ADCY10: variants seen among roughly 807,000 people sequenced by gnomAD.
ADCY10 encodes adenylate cyclase 10.
ADCY10 carries 156 observed loss-of-function variants against 183.3 expected under a neutral mutation model. The observed-to-expected ratio is 0.85, with a 90% CI of 0.75 to 0.97. ADCY10 has a LOEUF of 0.97. ADCY10 is among the 50% of genes least tolerant of loss of function. ADCY10 has a pLI of 0.00. For missense variants in ADCY10, 1,745 were observed against 1,934.3 expected (o/e 0.90, Z 1.84); for synonymous variants, 645 against 670.0 (o/e 0.96, Z 0.58).
intron 3 of ADCY10, 91 bp from the exon 4 acceptor site, chr1:167,902,145 C>A: frequency 1.6e-6 from 2 of 1,243,612 alleles, no homozygotes; most frequent in East Asian, 2.3e-5. Context: ...GAAACTAGGT[C>A]AAAAGAACAG....
chr1:167,889,807 C>T (rs1166086674), intron 8 of ADCY10, among the ~76,000 whole-genome samples: 1 of 152,132 alleles, frequency 6.6e-6, no homozygotes, highest in East Asian at 1.9e-4. Flanking sequence ...TCTAGATTTT[C>T]CAATTTATTG....
At chr1:167,874,033 C>A (rs1667279087) in intron 13 of ADCY10, among the ~76,000 whole-genome samples, 1 of 152,104 alleles carries the variant, frequency 6.6e-6, no homozygotes, top group Admixed American at 6.5e-5. Flanking sequence ...TGTACAGGTA[C>A]TTTAAAAAAA....
intron 7 of ADCY10, 94 bp downstream of exon 7, chr1:167,896,501 A>T: frequency 1.0e-6 from 1 of 1,001,164 alleles, no homozygotes; most frequent in Non-Finnish European, 1.6e-6. Flanking sequence ...TGTGTTGAGG[A>T]GCCCACCCAC....
At chr1:167,831,044 C>G (rs1663688166) in intron 25 of ADCY10, among the ~76,000 whole-genome samples, 1 of 152,160 alleles carries the variant, frequency 6.6e-6, no homozygotes, top group Non-Finnish European at 1.5e-5. Flanking sequence ...TAAGCTGTGC[C>G]CCGACCACCT....
intron 1 of ADCY10, among the ~76,000 whole-genome samples, chr1:167,906,711 C>T (rs1302641961): frequency 1.3e-5 from 2 of 151,864 alleles, no homozygotes; most frequent in Admixed American, 1.3e-4. Flanking sequence ...ATGGCTTGAG[C>T]CCAGGAGGTC....
chr1:167,843,106 G>T (rs1325307020), intron 21 of ADCY10, among the ~76,000 whole-genome samples: 1 of 152,194 alleles, frequency 6.6e-6, no homozygotes, highest in East Asian at 1.9e-4. Flanking sequence ...GCTGATGGAA[G>T]GGATACCAGC....
At chr1:167,843,576 C>G (rs1466793393) in intron 21 of ADCY10, among the ~76,000 whole-genome samples, 1 of 152,120 alleles carries the variant, frequency 6.6e-6, no homozygotes, top group Admixed American at 6.5e-5. Flanking sequence ...CTCATTCTAG[C>G]AGTCCACACC....
chr1:167,912,095 G>GTGAT (rs1670180628), intron 1 of ADCY10, among the ~76,000 whole-genome samples: 20 of 152,190 alleles, frequency 1.3e-4, no homozygotes, highest in Admixed American at 1.3e-3. Flanking sequence ...AAAATGATTA[G>GTGAT]TGATAGCTGT....
rs1558226532 is a variant in ADCY10 at position 167,880,521 on chromosome 1, A to C, written c.1109T>G (p.Phe370Cys). The C allele has an allele frequency of 6.2e-7, 1 of 1,614,130 alleles. No individual in the cohort carries two copies. The highest frequency in any genetic ancestry group is 1.1e-5 in the South Asian group (1 of 91,078). The change falls in exon 10 of 33, where the codon TTT becomes TGT. Residue 370 changes from phenylalanine to cysteine, a missense_variant. Phe to Cys is a radical substitution (Grantham distance 205). Transcript: ENST00000367851. The part of the protein sequence containing the change: ...THALECAMDI[F>C]DFCSQVHKIQ... Reference sequence around the variant, plus strand: ...TTTGTGGACTTGAGAGCAGAAGTCAAATATATCCATAGCACATTCCAGAGC... The same window carrying C: ...TTTGTGGACTTGAGAGCAGAAGTCACATATATCCATAGCACATTCCAGAGC...
At chr1:167,893,572 G>A (rs1444879255) in intron 8 of ADCY10, among the ~76,000 whole-genome samples, 1 of 151,620 alleles carries the variant, frequency 6.6e-6, no homozygotes, top group Non-Finnish European at 1.5e-5. Context: ...AAGTTAGCTG[G>A]GTGTGGTGGC....
chr1:167,908,338 A>G (rs1407475075), intron 1 of ADCY10, among the ~76,000 whole-genome samples: 1 of 152,190 alleles, frequency 6.6e-6, no homozygotes. Context: ...TCACTTATAT[A>G]TGGAATCTAA....
intron 3 of ADCY10, among the ~76,000 whole-genome samples, chr1:167,903,225 C>T: frequency 6.6e-6 from 1 of 151,574 alleles, no homozygotes; most frequent in Non-Finnish European, 1.5e-5. Context: ...CACTGCACTC[C>T]AGCCTGGGAG....
chr1:167,809,984 A>G (rs903469942), intron 32 of ADCY10, 145 bp from the exon 33 acceptor site: 9 of 769,042 alleles, frequency 1.2e-5, no homozygotes, highest in Non-Finnish European at 1.8e-5. Context: ...TGTCCAAACT[A>G]GGATACTGAC....
chr1:167,820,447 G>A, intron 30 of ADCY10: 2 of 501,882 alleles, frequency 4.0e-6, no homozygotes, highest in Non-Finnish European at 6.9e-6. Context: ...ACTAAAGTCT[G>A]AGCAGCATTG....
At chr1:167,812,734 C>T (rs1662299058) in intron 31 of ADCY10, among the ~76,000 whole-genome samples, 1 of 152,054 alleles carries the variant, frequency 6.6e-6, no homozygotes, top group East Asian at 1.9e-4. Context: ...TAAAGATAAT[C>T]AAAGAACTAA....
At chr1:167,841,821 A>G (rs367707087) in intron 21 of ADCY10, among the ~76,000 whole-genome samples, 97 of 152,166 alleles carry the variant, frequency 6.4e-4, no homozygotes, top group Non-Finnish European at 1.1e-3. Context: ...CTTTTCTCCA[A>G]CAGAATGCTG....
intron 1 of ADCY10, among the ~76,000 whole-genome samples, chr1:167,913,021 C>T (rs185390878): frequency 1.6e-3 from 240 of 152,242 alleles, no homozygotes; most frequent in Non-Finnish European, 2.6e-3. Context: ...ATGTATATGA[C>T]CTAGACAAAA....
At chr1:167,889,182 C>T (rs1197839087) in intron 8 of ADCY10, among the ~76,000 whole-genome samples, 1 of 152,064 alleles carries the variant, frequency 6.6e-6, no homozygotes, top group East Asian at 1.9e-4. Context: ...TTAGTTTCTC[C>T]CTATTCATTA....
rs540303180 is a variant in ADCY10 at position 167,854,479 on chromosome 1, C to T, written c.2182G>A (p.Glu728Lys). The T allele has an allele frequency of 5.8e-5, 94 of 1,614,118 alleles. No homozygotes were observed. The East Asian group carries it at 2.0e-3, about 35-fold the overall frequency. ...TAAAATGGAATCCCACAGCTTCCCTCCCCCAGGTACCTGTAGTGAAAACAA... is the reference window on the plus strand; with the variant it reads ...TAAAATGGAATCCCACAGCTTCCCTTCCCCAGGTACCTGTAGTGAAAACAA... ...ISKELDSYLG[E>K]GSCGIPFYCE... Residue 728 changes from glutamate to lysine, a missense_variant, in exon 18 of 33, where the codon GAG (glutamate) becomes AAG (lysine). Transcript: ENST00000367851.
Sources: allele counts gnomAD v4.1 joint callset (sites outside exome capture counted in the v4.1 genomes callset), GRCh38; gene constraint gnomAD v4.1.1; transcripts MANE v1.5; gene names NCBI Gene and HGNC (gene_info 2026-07-23, HGNC 2026-07-21).